The following GRAMD1B variants were observed in gnomAD, a reference collection of about 807,000 sequenced individuals.
The protein encoded by GRAMD1B is protein Aster-B.
In GRAMD1B, 37 loss-of-function variants were observed where a neutral mutation model predicts 99.7. The observed-to-expected ratio is 0.37, with a 90% CI of 0.29 to 0.49. The LOEUF (loss-of-function observed/expected upper bound fraction) is 0.49. GRAMD1B is among the 20% of genes least tolerant of loss of function. GRAMD1B has a pLI of 0.98. For synonymous variants in GRAMD1B, 427 were observed against 387.6 expected, an observed-to-expected ratio of 1.10 and a Z score of -1.19; for missense variants, 888 against 1,009.2, an observed-to-expected ratio of 0.88 and a Z score of 1.63.
At chr11:123,588,225 AC>A (rs1212070228) in intron 4 of GRAMD1B, among the ~76,000 whole-genome samples, 1 of 150,792 alleles carries the variant, frequency 6.6e-6, no homozygotes, top group African/African-American at 2.4e-5. Context: ...GGGCTCCTCC[AC>A]CCCCTCCTTC....
intron 2 of GRAMD1B, among the ~76,000 whole-genome samples, chr11:123,565,026 T>C (rs1190897410): frequency 6.6e-6 from 1 of 152,118 alleles, no homozygotes; most frequent in Non-Finnish European, 1.5e-5. Flanking sequence ...CTTTTATTAA[T>C]GTAATTTCAT....
chr11:123,542,677 A>G (rs1944649322), intron 2 of GRAMD1B, among the ~76,000 whole-genome samples: 1 of 152,048 alleles, frequency 6.6e-6, no homozygotes, highest in South Asian at 2.1e-4. Context: ...TTTTAGACGG[A>G]ATTTTGCTCT....
intron 1 of GRAMD1B, among the ~76,000 whole-genome samples, chr11:123,452,903 A>G (rs1166538657): frequency 6.6e-6 from 1 of 152,180 alleles, no homozygotes; most frequent in Non-Finnish European, 1.5e-5. Context: ...AAGAAGGGGT[A>G]GGGAAGTGAA....
At chr11:123,465,774 G>GA (rs149234901) in intron 1 of GRAMD1B, among the ~76,000 whole-genome samples, 41,759 of 136,540 alleles carry the variant, frequency 0.31, 6,152 homozygotes, top group Admixed American at 0.39. Flanking sequence ...CATCTCGAAA[G>GA]AAAAAAAAAA....
chr11:123,526,576 C>T (rs1364040387), intron 2 of GRAMD1B, among the ~76,000 whole-genome samples: 1 of 152,146 alleles, frequency 6.6e-6, no homozygotes, highest in Non-Finnish European at 1.5e-5. Flanking sequence ...TTAGCCCTGA[C>T]CAACACGTGA....
Position 123,599,167 on chromosome 11 carries a change from G to A in GRAMD1B, c.970-1301G>A, listed in dbSNP as rs559982356. The A allele has an allele frequency of 7.1e-4, 552 of 781,374 alleles. 1 individual carries two copies. The highest frequency in any genetic ancestry group is 6.6e-4 in the Non-Finnish European group (279 of 423,498). 48.4% of individuals were successfully genotyped at this position (781,374 alleles called of 1,614,324 possible). A position where few individuals can be genotyped will look rare whatever the true frequency, so the allele number is the denominator to read the frequency against. On this transcript the variant is annotated intron_variant, in intron 7 of 19. Coordinates refer to ENST00000635736, the MANE Select transcript of GRAMD1B (RefSeq NM_001387025.1). ...ACATAGATCTCATTTGGGTGCTTCC[G>A]GTGGAATTCCTTTATTTGCTTGAGT...
Position 123,492,461 on chromosome 11 carries a change from G to C in GRAMD1B, c.452+11568G>C, listed in dbSNP as rs1280996819. 2.0e-5 allele frequency among the ~76,000 whole-genome samples: 3 copies of C among 152,170 alleles called. No individual in the cohort carries two copies. Among genetic ancestry groups the C allele is most frequent in the Non-Finnish European group, 4.4e-5 (3 of 68,036 alleles). On this transcript the variant is annotated intron_variant, in intron 2 of 19. Coordinates refer to ENST00000635736, the MANE Select transcript of GRAMD1B (RefSeq NM_001387025.1). The surrounding 1 kb of genome is among the most constrained non-coding windows in gnomAD (Gnocchi z 4.2). ...TCCAGAATTATTTGAGCATGCATCA[G>C]ATGTGGGGTGCTTTTTCCTAAAACA...
At chr11:123,477,678 CTCCTTCTCCCTTCCTTTCCCT>C (rs1229929116) in intron 1 of GRAMD1B, among the ~76,000 whole-genome samples, 4 of 133,284 alleles carry the variant, frequency 3.0e-5, no homozygotes, top group African/African-American at 1.1e-4. Context: ...TCCCTTCCTT[CTCCTTCTCCCTTCCTTTCCCT>C]TCCTTCTCCC....
At position 123,424,930 on chromosome 11, in the gene GRAMD1B, T is replaced by C. The variant is rs565496507; in HGVS notation, c.-175-55886T>C. Among the ~76,000 whole-genome samples the C allele has an allele frequency of 3.3e-5, 5 of 152,316 alleles. No individual in the cohort carries two copies. In the South Asian group the frequency reaches 1.0e-3, roughly 32 times the overall value. ...CAACTACTTGTAGAATTAAACTGAGTTGAAAATCAACAAGAATAGTCCTGT... is the reference window on the plus strand; with the variant it reads ...CAACTACTTGTAGAATTAAACTGAGCTGAAAATCAACAAGAATAGTCCTGT... On this transcript the variant is annotated intron_variant, in intron 1 of 20. Coordinates refer to the GRAMD1B transcript ENST00000638157.
intron 1 of GRAMD1B, among the ~76,000 whole-genome samples, chr11:123,406,263 T>A (rs1947852855): frequency 6.6e-6 from 1 of 151,742 alleles, no homozygotes; most frequent in Non-Finnish European, 1.5e-5. Flanking sequence ...TTGTTGCTTT[T>A]TTTTTTTTGA....
intron 1 of GRAMD1B, among the ~76,000 whole-genome samples, chr11:123,476,112 T>C (rs887553056): frequency 4.6e-5 from 7 of 151,878 alleles, no homozygotes; most frequent in East Asian, 1.9e-4. Context: ...TAACTTCTTT[T>C]TTTTTTTTTT....
At chr11:123,446,500 G>A (rs541000293) in intron 1 of GRAMD1B, among the ~76,000 whole-genome samples, 36 of 152,220 alleles carry the variant, frequency 2.4e-4, no homozygotes, top group Admixed American at 5.9e-4. Flanking sequence ...TTCAGCCATT[G>A]TCAGCCATGT....
At chr11:123,515,266 C>A (rs1321765652) in intron 2 of GRAMD1B, among the ~76,000 whole-genome samples, 1 of 152,118 alleles carries the variant, frequency 6.6e-6, no homozygotes, top group African/African-American at 2.4e-5. Context: ...TGGCTCTGAA[C>A]TGCCCGTGAG....
At chr11:123,404,679 T>C (rs567093436) in intron 1 of GRAMD1B, among the ~76,000 whole-genome samples, 1 of 152,302 alleles carries the variant, frequency 6.6e-6, no homozygotes, top group East Asian at 1.9e-4. Flanking sequence ...GGAACTCTAG[T>C]GTCAAAAATC....
intron 11 of GRAMD1B, chr11:123,608,363 C>A: frequency 1.3e-6 from 1 of 758,704 alleles, no homozygotes; most frequent in Non-Finnish European, 2.1e-6. Context: ...CTAAGATCAA[C>A]TGAATTAGGG....
chr11:123,543,454 T>C (rs375070008), intron 2 of GRAMD1B, among the ~76,000 whole-genome samples: 5 of 152,258 alleles, frequency 3.3e-5, no homozygotes, highest in East Asian at 3.9e-4. Context: ...ACCTTGGGGG[T>C]GGCCATTCAA....
chr11:123,561,518 G>T (rs1226905272), intron 2 of GRAMD1B, among the ~76,000 whole-genome samples: 1 of 152,232 alleles, frequency 6.6e-6, no homozygotes, highest in Non-Finnish European at 1.5e-5. Context: ...CTACCCAGTG[G>T]CTGGGCCTTA....
At chr11:123,412,354 G>A (rs933551538) in intron 1 of GRAMD1B, among the ~76,000 whole-genome samples, 1 of 152,176 alleles carries the variant, frequency 6.6e-6, no homozygotes, top group Admixed American at 6.5e-5. Flanking sequence ...CATGTGCAAG[G>A]CACTGTACTT....
chr11:123,554,443 C>T (rs541530565), intron 2 of GRAMD1B, among the ~76,000 whole-genome samples: 2 of 146,670 alleles, frequency 1.4e-5, no homozygotes, highest in Admixed American at 1.4e-4. Context: ...AATTCCAGCA[C>T]TTTGGGCCGC....
Sources: gnomAD v4.1 joint callset for allele counts (sites outside exome capture counted in the v4.1 genomes callset) on GRCh38, gnomAD v4.1.1 for gene constraint, Gnocchi (gnomAD v3.1) non-coding constraint, MANE v1.5 for transcripts, NCBI Gene and HGNC (gene_info 2026-07-23, HGNC 2026-07-21) for gene names.